PCDHA1: variants seen among roughly 807,000 people sequenced by gnomAD.
PCDHA1 encodes the protein protocadherin alpha-1.
A neutral mutation model predicts 61.3 loss-of-function variants in PCDHA1; 42 were observed. That is an observed-to-expected ratio of 0.69 (90% CI 0.54 to 0.89). PCDHA1 has a LOEUF of 0.89. PCDHA1 is among the 40% of genes least tolerant of loss of function. The pLI, the probability that PCDHA1 is intolerant of heterozygous loss-of-function variation, is 0.00. For missense variants in PCDHA1, 1,256 were observed against 1,235.3 expected (o/e 1.02, Z -0.25); for synonymous variants, 610 against 553.8 (o/e 1.10, Z -1.43).
chr5:141,010,321 G>C lies in PCDHA1; in HGVS notation c.*384G>C. On this transcript the variant is annotated 3_prime_UTR_variant, in exon 4 of 4. Transcript: ENST00000504120. Reference sequence around the variant, plus strand: ...GGCTGAAAAGTTTTGAGATTGAGCAGCTTGGGAGTTTGTGGCCACTGGGTA... The same window carrying C: ...GGCTGAAAAGTTTTGAGATTGAGCACCTTGGGAGTTTGTGGCCACTGGGTA... 7 of 1,541,244 alleles carry C rather than the reference G, an allele frequency of 4.5e-6. No homozygotes were observed. In the South Asian group the frequency reaches 8.5e-5, roughly 19 times the overall value.
rs782471060 is a variant in PCDHA1, at chr5:140,787,123, TCTTTTC to T, written c.838_843del (p.Ser280_Phe281del). 6.2e-7 allele frequency: 1 copy of T among 1,614,164 alleles called. No homozygotes were observed. Among genetic ancestry groups the T allele is most frequent in the Non-Finnish European group, 8.5e-7 (1 of 1,179,996 alleles). On this transcript the variant is annotated inframe_deletion, in exon 1 of 4. Coordinates refer to ENST00000504120, the MANE Select transcript of PCDHA1 (RefSeq NM_018900.4). ...GACGAAGGTGTAAATGGTGAAGTCG[TCTTTTC>T]CTTTGACAGTGGTATTTCTCGTGAC...
chr5:140,905,617 G>T (rs1019062717), intron 1 of PCDHA1, among the ~76,000 whole-genome samples: 8 of 152,116 alleles, frequency 5.3e-5, no homozygotes, highest in Non-Finnish European at 1.5e-5. Context: ...TCTATAGATT[G>T]CTTTTGACAG....
intron 1 of PCDHA1, chr5:140,841,595 C>T (rs2150318765): frequency 2.5e-6 from 4 of 1,614,060 alleles, no homozygotes; most frequent in East Asian, 2.2e-5. Flanking sequence ...TCGGATCGAC[C>T]GCGAGGAGCT....
chr5:140,942,733 T>C (rs1344147840), intron 1 of PCDHA1, among the ~76,000 whole-genome samples: 1 of 152,184 alleles, frequency 6.6e-6, no homozygotes, highest in Non-Finnish European at 1.5e-5. Context: ...TTGAAAAATA[T>C]TTTAAAATCT....
intron 1 of PCDHA1, chr5:140,836,314 G>A (rs2150257460): frequency 6.2e-6 from 10 of 1,613,658 alleles, no homozygotes; most frequent in East Asian, 2.2e-5. Context: ...GACGCACCGC[G>A]CCACCGCCTT....
In PCDHA1 at chr5:140,787,903, G is replaced by C. The variant is rs782380669; in HGVS notation, c.1613G>C (p.Arg538Pro). ...CTGCTGCAGTTCCAGGTGAGCGCGC[G>C]GGATGCGGGCGTGCCGCCTCTGGGC... is the stretch of plus-strand genomic sequence containing the variant. ...LELLQFQVSA[R>P]DAGVPPLGSN... Residue 538 changes from arginine (R) to proline (P), a missense_variant, in exon 1 of 4, where the codon CGG (arginine) becomes CCG (proline). Transcript: ENST00000504120. The C allele has an allele frequency of 6.2e-7, 1 of 1,613,608 alleles. No individual in the cohort carries two copies. The highest frequency in any genetic ancestry group is 8.5e-7 in the Non-Finnish European group (1 of 1,179,874).
chr5:140,845,374 TAGG>T (rs1779845907), intron 1 of PCDHA1, among the ~76,000 whole-genome samples: 1 of 149,664 alleles, frequency 6.7e-6, no homozygotes, highest in South Asian at 2.1e-4. Flanking sequence ...ATATCATAAA[TAGG>T]AGGATTCTTT....
intron 1 of PCDHA1, chr5:140,836,970 C>T: frequency 2.6e-6 from 1 of 381,196 alleles, no homozygotes; most frequent in Non-Finnish European, 4.6e-6. Flanking sequence ...GGCTACTCTC[C>T]ATTTTTGGAG....
intron 1 of PCDHA1, among the ~76,000 whole-genome samples, chr5:140,855,657 G>A (rs2043553278): frequency 6.7e-6 from 1 of 149,788 alleles, no homozygotes; most frequent in African/African-American, 2.5e-5. Context: ...GGTTAGGGAA[G>A]AAATCACTAC....
At chr5:140,926,775 G>C in intron 1 of PCDHA1, 9 of 1,391,106 alleles carry the variant, frequency 6.5e-6, no homozygotes, top group Admixed American at 3.1e-5. Flanking sequence ...GCCCGCAGCA[G>C]TGACGGCCGG....
Position 141,010,222 on chromosome 5 carries a change from C to T in PCDHA1, c.*285C>T. 6.4e-7 allele frequency: 1 copy of T among 1,551,730 alleles called. No homozygotes were observed. The highest frequency in any genetic ancestry group is 2.4e-5 in the East Asian group (1 of 40,912). ...CCTCCGCCGCAAAGGAGAGGCTTCC[C>T]AGCCCCGCCAGTGAGAGGTTGGACT... On this transcript the variant is annotated 3_prime_UTR_variant, in exon 4 of 4. Transcript: ENST00000504120.
Position 140,802,046 on chromosome 5 carries a change from G to A in PCDHA1, c.2394+13362G>A, listed in dbSNP as rs150869663. On this transcript the variant is annotated intron_variant, in intron 1 of 3. Coordinates refer to ENST00000504120, the MANE Select transcript of PCDHA1 (RefSeq NM_018900.4). ...AGGATATCGCGTATTCTTTCAATAC[G>A]GACATGTCAGCAGATATTCTGTCAA... 9.1e-5 allele frequency: 147 copies of A among 1,614,100 alleles called. 1 individual carries two copies. In the African/African-American group the frequency reaches 1.6e-3, roughly 18 times the overall value.
At chr5:140,999,088 G>T (rs1429141341) in intron 3 of PCDHA1, among the ~76,000 whole-genome samples, 1 of 152,156 alleles carries the variant, frequency 6.6e-6, no homozygotes, top group Non-Finnish European at 1.5e-5. Context: ...TCCTTCAGAG[G>T]GCTATGGAGA....
In PCDHA1 at chr5:140,981,860, A is replaced by C. The variant is rs377325751; in HGVS notation, c.2454-615A>C. On this transcript the variant is annotated intron_variant, in intron 2 of 3. Coordinates refer to ENST00000504120, the MANE Select transcript of PCDHA1 (RefSeq NM_018900.4). ...TCCCAGTTTGTATCTCACTCCCAGC[A>C]ATGTTTTATGCTGAATTAATCTCTT... Among the ~76,000 whole-genome samples the C allele has an allele frequency of 1.1e-3, 166 of 152,246 alleles. 1 individual carries two copies. The highest frequency in any genetic ancestry group is 3.9e-3 in the African/African-American group (160 of 41,532).
At chr5:140,923,888 G>A (rs575485843) in intron 1 of PCDHA1, among the ~76,000 whole-genome samples, 1 of 152,294 alleles carries the variant, frequency 6.6e-6, no homozygotes, top group Admixed American at 6.5e-5. Context: ...GTGTGAAAGA[G>A]GAGGAGTTTC....
At chr5:140,880,759 T>C (rs2058465198) in intron 1 of PCDHA1, among the ~76,000 whole-genome samples, 1 of 152,188 alleles carries the variant, frequency 6.6e-6, no homozygotes. Context: ...TAACTGCGTG[T>C]TGGAGGCTAA....
chr5:140,989,552 G>A (rs975079697), intron 3 of PCDHA1, among the ~76,000 whole-genome samples: 33 of 152,180 alleles, frequency 2.2e-4, no homozygotes, highest in African/African-American at 7.7e-4. Context: ...ATTCCTTTAC[G>A]TTTTGTGGCT....
chr5:140,836,336 G>A (rs1346966791), intron 1 of PCDHA1: 4 of 1,613,640 alleles, frequency 2.5e-6, no homozygotes, highest in Admixed American at 1.7e-5. Context: ...TGGTGCTTGT[G>A]AAGGACCACG....
intron 1 of PCDHA1, among the ~76,000 whole-genome samples, chr5:140,919,944 A>T (rs1554199311): frequency 6.6e-6 from 1 of 151,622 alleles, no homozygotes; most frequent in Non-Finnish European, 1.5e-5. Flanking sequence ...AATTCCAGTG[A>T]AAAGTTTGTT....
Sources: allele counts gnomAD v4.1 joint callset (sites outside exome capture counted in the v4.1 genomes callset), GRCh38; gene constraint gnomAD v4.1.1; transcripts MANE v1.5; gene names NCBI Gene and HGNC (gene_info 2026-07-23, HGNC 2026-07-21).